Variants in RNLS observed in about 807,000 individuals in gnomAD.
The protein encoded by RNLS is renalase.
In RNLS, 39 loss-of-function variants were observed where a neutral mutation model predicts 39.8. That is an observed-to-expected ratio of 0.98 (90% CI 0.76 to 1.28). The LOEUF is 1.28. Ranked by LOEUF, RNLS falls within the 50% of genes most tolerant of loss-of-function variation. The pLI is 0.00. For synonymous variants in RNLS, 147 were observed against 150.7 expected, an observed-to-expected ratio of 0.98 and a Z score of 0.18; for missense variants, 410 against 413.3, an observed-to-expected ratio of 0.99 and a Z score of 0.07.
chr10:88,223,966 C>A, the RNLS span, among the ~76,000 whole-genome samples: 1 of 150,922 alleles, frequency 6.6e-6, no homozygotes, highest in Admixed American at 6.6e-5. Flanking sequence ...TGGTATAAAT[C>A]CTTGAGTGAG....
intron 4 of RNLS, among the ~76,000 whole-genome samples, chr10:88,443,746 A>C (rs1380622357): frequency 6.6e-6 from 1 of 152,234 alleles, no homozygotes; most frequent in African/African-American, 2.4e-5. Context: ...TCTGAGAACC[A>C]ACTGCAATGC....
chr10:88,314,518 G>T lies in RNLS; in HGVS notation c.824C>A (p.Pro275Gln). The T allele has an allele frequency of 6.2e-7, 1 of 1,613,910 alleles. No homozygotes were observed. Among genetic ancestry groups the T allele is most frequent in the South Asian group, 1.1e-5 (1 of 91,062 alleles). ...LVFQQLENIL[P>Q]GLPQPIATKC... ...GGTAGCAATTGGCTGAGGCAAACCC[G>T]GCAAAATGTTTTCCAGCTGCTGGAA... The change falls in exon 6 of 7, where the codon CCG (proline) becomes CAG (glutamine). Residue 275 changes from proline to glutamine, a missense_variant. Coordinates refer to ENST00000331772, the MANE Select transcript of RNLS (RefSeq NM_001031709.3).
chr10:88,574,471 G>C (rs2209555), intron 3 of RNLS, among the ~76,000 whole-genome samples: 2,856 of 152,138 alleles, frequency 0.019, 77 homozygotes, highest in South Asian at 0.07. Flanking sequence ...ACTGCCTTTA[G>C]TACTAATTTT....
the RNLS span, among the ~76,000 whole-genome samples, chr10:88,255,202 C>T: frequency 6.6e-6 from 1 of 152,216 alleles, no homozygotes; most frequent in Non-Finnish European, 1.5e-5. Flanking sequence ...AAGAATTCTC[C>T]TCTTGCCATC....
the RNLS span, among the ~76,000 whole-genome samples, chr10:88,235,575 C>G: frequency 2.0e-4 from 30 of 152,158 alleles, no homozygotes; most frequent in Non-Finnish European, 3.8e-4. Flanking sequence ...AGAATGTGGT[C>G]AAGTCAATTT....
At chr10:88,246,726 A>G in the RNLS span, among the ~76,000 whole-genome samples, 3 of 152,180 alleles carry the variant, frequency 2.0e-5, no homozygotes, top group African/African-American at 4.8e-5. Context: ...TAAAATAGCC[A>G]TCACAGCTTT....
Position 88,314,474 on chromosome 10 carries a change from G to A in RNLS, c.868C>T (p.His290Tyr). ...PIATKCQKWR[H>Y]SQVTNAAANC... Reference sequence around the variant, plus strand: ...CTGGATTCTTTGATTACCTGTGAATGTCTCCATTTTTGGCATTTGGTAGCA... The same window carrying A: ...CTGGATTCTTTGATTACCTGTGAATATCTCCATTTTTGGCATTTGGTAGCA... Residue 290 changes from histidine (H) to tyrosine (Y), a missense_variant, in exon 6 of 7, where the codon CAT becomes TAT. Physicochemically the swap from His to Tyr is moderately conservative, Grantham distance 83. Transcript: ENST00000331772. 1.2e-6 allele frequency: 2 copies of A among 1,613,810 alleles called. No homozygotes were observed. Among genetic ancestry groups the A allele is most frequent in the Non-Finnish European group, 1.7e-6 (2 of 1,179,756 alleles).
At chr10:88,482,696 A>AC (rs1408461559) in intron 4 of RNLS, among the ~76,000 whole-genome samples, 1 of 152,058 alleles carries the variant, frequency 6.6e-6, no homozygotes, top group East Asian at 1.9e-4. Context: ...TTCCTTGGTT[A>AC]CACTTTCTAG....
chr10:88,416,811 T>C (rs1854060088), intron 4 of RNLS, among the ~76,000 whole-genome samples: 1 of 152,222 alleles, frequency 6.6e-6, no homozygotes, highest in Non-Finnish European at 1.5e-5. Flanking sequence ...ATTGTCTTTT[T>C]ATGGCAATGC....
intron 5 of RNLS, among the ~76,000 whole-genome samples, chr10:88,315,193 AT>A: frequency 6.6e-6 from 1 of 152,266 alleles, no homozygotes; most frequent in Non-Finnish European, 1.5e-5. Context: ...TTTAATTACC[AT>A]TTCTTTATGT....
At chr10:88,421,595 C>G (rs573367054) in intron 4 of RNLS, among the ~76,000 whole-genome samples, 1 of 152,286 alleles carries the variant, frequency 6.6e-6, no homozygotes, top group African/African-American at 2.4e-5. Flanking sequence ...TCTAATCACT[C>G]TCCTTTCTAA....
chr10:88,521,705 C>G (rs1434468723), intron 4 of RNLS, among the ~76,000 whole-genome samples: 1 of 151,912 alleles, frequency 6.6e-6, no homozygotes, highest in Non-Finnish European at 1.5e-5. Flanking sequence ...GCTGATGACA[C>G]AGAACTGGGG....
At chr10:88,286,351 T>C (rs1461052425) in intron 6 of RNLS, among the ~76,000 whole-genome samples, 1 of 152,004 alleles carries the variant, frequency 6.6e-6, no homozygotes, top group Non-Finnish European at 1.5e-5. Flanking sequence ...TATTTTCATA[T>C]CTGAAAGTAT....
intron 4 of RNLS, among the ~76,000 whole-genome samples, chr10:88,429,610 T>C (rs1197375618): frequency 6.6e-6 from 1 of 150,752 alleles, no homozygotes; most frequent in East Asian, 1.9e-4. Context: ...CATAAAGATT[T>C]ATTTTCTATG....
At chr10:88,390,138 G>A (rs972772088) in intron 4 of RNLS, among the ~76,000 whole-genome samples, 3 of 152,232 alleles carry the variant, frequency 2.0e-5, no homozygotes, top group African/African-American at 7.2e-5. Flanking sequence ...AAAATGGTAA[G>A]TGTCCCAGTG....
At chr10:88,311,896 A>G (rs542618905) in intron 6 of RNLS, among the ~76,000 whole-genome samples, 7 of 152,312 alleles carry the variant, frequency 4.6e-5, no homozygotes, top group African/African-American at 1.4e-4. Flanking sequence ...TCCCCACACA[A>G]AATACTCCTC....
chr10:88,433,100 TA>T (rs1440595547), intron 4 of RNLS, among the ~76,000 whole-genome samples: 1 of 152,066 alleles, frequency 6.6e-6, no homozygotes, highest in Non-Finnish European at 1.5e-5. Context: ...TTATTTTTGG[TA>T]AAATAAAGAG....
chr10:88,363,428 C>T (rs186952098), intron 4 of RNLS, among the ~76,000 whole-genome samples: 44 of 152,086 alleles, frequency 2.9e-4, no homozygotes, highest in Non-Finnish European at 4.7e-4. Context: ...ACAAAAACTG[C>T]TACACACACA....
intron 4 of RNLS, among the ~76,000 whole-genome samples, chr10:88,534,434 A>G (rs1050393948): frequency 2.0e-5 from 3 of 152,120 alleles, no homozygotes; most frequent in African/African-American, 7.2e-5. Context: ...TACTAACTAC[A>G]ATTATAAGAA....
Sources: gnomAD v4.1 joint callset for allele counts (sites outside exome capture counted in the v4.1 genomes callset) on GRCh38, gnomAD v4.1.1 for gene constraint, MANE v1.5 for transcripts, NCBI Gene and HGNC (gene_info 2026-07-23, HGNC 2026-07-21) for gene names.